FBXL13: variants seen among roughly 807,000 people sequenced by gnomAD.
The protein encoded by FBXL13 is F-box and leucine-rich repeat protein 13.
Under a neutral mutation model 83.6 loss-of-function variants are expected in FBXL13, and 67 were observed. The observed-to-expected ratio is 0.80, with a 90% CI of 0.66 to 0.98. FBXL13 has a LOEUF of 0.98. Among genes scored for constraint, FBXL13 ranks in the 50% least tolerant of loss-of-function variants. FBXL13 has a pLI of 0.00. For synonymous variants in FBXL13, 272 were observed against 299.5 expected, an observed-to-expected ratio of 0.91 and a Z score of 0.95; for missense variants, 822 against 866.5, an observed-to-expected ratio of 0.95 and a Z score of 0.64.
At chr7:102,862,192 A>C (rs1365574180) in intron 16 of FBXL13, among the ~76,000 whole-genome samples, 2 of 151,730 alleles carry the variant, frequency 1.3e-5, no homozygotes, top group Non-Finnish European at 2.9e-5. Flanking sequence ...AGAATACAAA[A>C]ATTAGCCAGG....
chr7:103,000,004 A>AT, intron 6 of FBXL13, among the ~76,000 whole-genome samples: 1 of 151,682 alleles, frequency 6.6e-6, no homozygotes, highest in Non-Finnish European at 1.5e-5. Context: ...AAATGTTTCT[A>AT]TTTTTTTGAT....
At chr7:103,043,922 T>C (rs1796011406) in intron 2 of FBXL13, among the ~76,000 whole-genome samples, 2 of 152,234 alleles carry the variant, frequency 1.3e-5, no homozygotes, top group Admixed American at 1.3e-4. Flanking sequence ...AATCATTATA[T>C]GCACATTGTA....
At chr7:102,841,218 T>C (rs2129449181) in intron 17 of FBXL13, among the ~76,000 whole-genome samples, 1 of 152,202 alleles carries the variant, frequency 6.6e-6, no homozygotes, top group Non-Finnish European at 1.5e-5. Flanking sequence ...TTTTCCCTTT[T>C]TTTAAATTTT....
intron 11 of FBXL13, among the ~76,000 whole-genome samples, chr7:102,912,283 C>G (rs1250069581): frequency 6.6e-6 from 1 of 152,148 alleles, no homozygotes; most frequent in Non-Finnish European, 1.5e-5. Flanking sequence ...GGTAATGACT[C>G]AAGAAATGAT....
chr7:102,940,438 C>T (rs1382520950), intron 8 of FBXL13, among the ~76,000 whole-genome samples: 1 of 150,926 alleles, frequency 6.6e-6, no homozygotes, highest in Non-Finnish European at 1.5e-5. Context: ...TCTCTATCTC[C>T]TGACCTCATG....
At chr7:102,934,043 C>A in intron 8 of FBXL13, 5 of 1,614,092 alleles carry the variant, frequency 3.1e-6, no homozygotes, top group Non-Finnish European at 4.2e-6. Flanking sequence ...AGGCTCCAAC[C>A]CGGTCAAACG....
At position 102,887,333 on chromosome 7, in the gene FBXL13, A is replaced by G. The variant is rs930030285; in HGVS notation, c.1009-3021T>C. Among the ~76,000 whole-genome samples, 76 of 152,290 alleles carry G rather than the reference A, an allele frequency of 5.0e-4. 1 individual carries two copies. The highest frequency in any genetic ancestry group is 1.8e-4 in the Non-Finnish European group (12 of 68,032). On this transcript the variant is annotated intron_variant, in intron 11 of 19. Coordinates refer to ENST00000313221, the Ensembl canonical transcript of FBXL13. ...TGCTAACTGGGAGGAAATGAAGAAC[A>G]AAAACAAAGTATATCAGTCAGGGTT... is the stretch of plus-strand genomic sequence containing the variant.
intron 16 of FBXL13, among the ~76,000 whole-genome samples, chr7:102,868,647 C>T (rs1808086506): frequency 6.6e-6 from 1 of 151,842 alleles, no homozygotes; most frequent in Non-Finnish European, 1.5e-5. Context: ...ATTTCATTTC[C>T]TTTGTGGTTT....
chr7:102,926,277 G>A (rs368320053), exon 10 of FBXL13: 27 of 1,612,456 alleles, frequency 1.7e-5, no homozygotes, highest in South Asian at 6.6e-5. Context: ...ACATTACCTC[G>A]GCAGGAGTCG....
At chr7:102,927,692 G>A (rs902018604) in intron 9 of FBXL13, among the ~76,000 whole-genome samples, 2 of 152,152 alleles carry the variant, frequency 1.3e-5, no homozygotes, top group African/African-American at 2.4e-5. Context: ...AGAGGCCAGT[G>A]CAGAGCTTTT....
chr7:103,065,169 C>T lies in FBXL13; in HGVS notation c.-105+9077G>A, dbSNP rs997598329. ...CCATCCATCCCTAGCAACATACATT[C>T]TGAAAAAAAAAGCCTAGCCATAACT... On this transcript the variant is annotated intron_variant, in intron 1 of 19. Coordinates refer to ENST00000313221, the Ensembl canonical transcript of FBXL13. Among the ~76,000 whole-genome samples the T allele has an allele frequency of 4.0e-5, 6 of 151,450 alleles. No homozygotes were observed. In the East Asian group the frequency reaches 1.2e-3, roughly 29 times the overall value.
intron 11 of FBXL13, among the ~76,000 whole-genome samples, chr7:102,908,956 CAG>C (rs1814202629): frequency 6.6e-6 from 1 of 152,236 alleles, no homozygotes; most frequent in Admixed American, 6.5e-5. Context: ...GTGGCAAGGC[CAG>C]CCAGGCCTGT....
intron 6 of FBXL13, among the ~76,000 whole-genome samples, chr7:103,023,269 C>G (rs1415528932): frequency 2.0e-5 from 3 of 152,014 alleles, no homozygotes; most frequent in Non-Finnish European, 4.4e-5. Context: ...GAATGAGACT[C>G]CGTCTCAAAC....
intron 6 of FBXL13, among the ~76,000 whole-genome samples, chr7:103,005,993 A>T (rs1790947892): frequency 6.6e-6 from 1 of 152,204 alleles, no homozygotes; most frequent in Non-Finnish European, 1.5e-5. Flanking sequence ...AATATAAAAT[A>T]TTAAAAATGG....
chr7:103,021,581 T>TGATCTGGCAAAGGGCTAATATCCA (rs1563230822), intron 6 of FBXL13, among the ~76,000 whole-genome samples: 1 of 152,176 alleles, frequency 6.6e-6, no homozygotes, highest in African/African-American at 2.4e-5. Context: ...TGCAATCTAC[T>TGATCTGGCAAAGGGCTAATATCCA]GATCTGGCAA....
chr7:102,968,240 A>G lies in FBXL13; in HGVS notation c.496-123T>C, dbSNP rs117921473. 3.4e-4 allele frequency: 207 copies of G among 607,698 alleles called. 2 individuals carry two copies. The East Asian group carries it at 4.9e-3, about 14-fold the overall frequency. The allele number at this position is 607,698 out of a possible 1,614,324, so 37.6% of individuals were successfully genotyped here. A position where few individuals can be genotyped will look rare whatever the true frequency, so the allele number is the denominator to read the frequency against. On this transcript the variant is annotated intron_variant, in intron 6 of 19. Transcript: ENST00000313221. ...ACACACACACGCATTAGTAATAATA[A>G]GGTAATCCATACTTTGCAAATAGCA...
At chr7:103,023,094 G>A (rs1286625877) in intron 6 of FBXL13, among the ~76,000 whole-genome samples, 6 of 152,070 alleles carry the variant, frequency 3.9e-5, no homozygotes, top group African/African-American at 1.4e-4. Flanking sequence ...GGCTAACACG[G>A]TGAAACCCCG....
chr7:103,048,025 C>G (rs977407994), intron 2 of FBXL13, among the ~76,000 whole-genome samples: 1 of 152,176 alleles, frequency 6.6e-6, no homozygotes, highest in Admixed American at 6.5e-5. Context: ...ACATTAATAT[C>G]ATTCACTAAA....
chr7:102,912,829 T>A (rs1009112436), intron 11 of FBXL13, among the ~76,000 whole-genome samples: 1 of 152,082 alleles, frequency 6.6e-6, no homozygotes, highest in Non-Finnish European at 1.5e-5. Flanking sequence ...GCTCAGACTG[T>A]CTCCACAAAA....
Sources: gnomAD v4.1 joint callset for allele counts (sites outside exome capture counted in the v4.1 genomes callset) on GRCh38, gnomAD v4.1.1 for gene constraint, MANE v1.5 for transcripts, NCBI Gene and HGNC (gene_info 2026-07-23, HGNC 2026-07-21) for gene names.